Variants in MCPH1 observed in about 807,000 individuals in gnomAD.
The protein encoded by MCPH1 is microcephalin.
MCPH1 carries 104 observed loss-of-function variants against 84.5 expected under a neutral mutation model. That is an observed-to-expected ratio of 1.23 (90% CI 1.05 to 1.45). The LOEUF (loss-of-function observed/expected upper bound fraction) is 1.45, where lower values mean the gene tolerates loss of function less well. Ranked by LOEUF, MCPH1 falls within the 40% of genes most tolerant of loss-of-function variation. MCPH1 has a pLI of 0.00. For missense variants in MCPH1, 1,498 were observed against 1,005.7 expected, an observed-to-expected ratio of 1.49 and a Z score of -6.62; for synonymous variants, 514 against 366.8, an observed-to-expected ratio of 1.40 and a Z score of -4.58.
intron 12 of MCPH1, among the ~76,000 whole-genome samples, chr8:6,509,984 C>G (rs1057206534): frequency 3.3e-5 from 5 of 152,128 alleles, no homozygotes; most frequent in Non-Finnish European, 5.9e-5. Flanking sequence ...ATTTAAATCC[C>G]AAAGTGTAGT....
intron 12 of MCPH1, chr8:6,616,023 T>G (rs1446355800): frequency 1.3e-5 from 2 of 152,104 alleles, no homozygotes; most frequent in African/African-American, 4.8e-5. Flanking sequence ...AACCACTGAG[T>G]TGCACCCAGA....
In MCPH1 at chr8:6,642,991, T is replaced by C. The variant is rs1586908783; in HGVS notation, c.2453-3T>C. On this transcript the variant is annotated splice_polypyrimidine_tract_variant and splice_region_variant and intron_variant, in intron 13 of 13. Transcript: ENST00000344683. ...GCTAAACTGCTTTTCGCTCTCTCTCTAGATTCCATCACCCAGCACAAGGTC... is the reference window on the plus strand; with the variant it reads ...GCTAAACTGCTTTTCGCTCTCTCTCCAGATTCCATCACCCAGCACAAGGTC... 4 of 1,614,022 alleles carry C rather than the reference T, an allele frequency of 2.5e-6. No homozygotes were observed. The Admixed American group carries it at 5.0e-5, about 20-fold the overall frequency.
intron 11 of MCPH1, among the ~76,000 whole-genome samples, chr8:6,493,596 T>G (rs1161848984): frequency 6.6e-6 from 1 of 152,210 alleles, no homozygotes; most frequent in East Asian, 1.9e-4. Flanking sequence ...TTCAAAACCT[T>G]ACTAATGTGT....
At chr8:6,431,429 C>T (rs1192432883) in intron 3 of MCPH1, 70 bp from the exon 4 acceptor site, 7 of 1,138,800 alleles carry the variant, frequency 6.1e-6, no homozygotes, top group Non-Finnish European at 9.3e-6. Context: ...AATACATGTG[C>T]AGATTTAGTG....
At chr8:6,489,999 C>A (rs1159494638) in intron 11 of MCPH1, among the ~76,000 whole-genome samples, 1 of 152,218 alleles carries the variant, frequency 6.6e-6, no homozygotes, top group African/African-American at 2.4e-5. Context: ...AAGGATCACA[C>A]TGTTGGTCTT....
chr8:6,596,307 G>T (rs556672319), intron 12 of MCPH1, among the ~76,000 whole-genome samples: 1 of 152,186 alleles, frequency 6.6e-6, no homozygotes, highest in Non-Finnish European at 1.5e-5. Context: ...AGTGAGCTCT[G>T]GCGTTCTTCT....
intron 12 of MCPH1, among the ~76,000 whole-genome samples, chr8:6,515,759 A>G (rs1163334333): frequency 6.6e-6 from 1 of 152,206 alleles, no homozygotes; most frequent in Admixed American, 6.5e-5. Context: ...CCAATTGTAA[A>G]TATTCTTCTT....
intron 8 of MCPH1, among the ~76,000 whole-genome samples, chr8:6,449,689 G>C (rs754125516): frequency 6.6e-6 from 1 of 151,996 alleles, no homozygotes; most frequent in Admixed American, 6.6e-5. Flanking sequence ...CACTCAGTCT[G>C]AAAAGTGCTG....
rs141437561 is a variant in MCPH1 at position 6,615,051 on chromosome 8, G to C, written c.2215-6403G>C. 1.1e-4 allele frequency among the ~76,000 whole-genome samples: 17 copies of C among 152,314 alleles called. No homozygotes were observed. The East Asian group carries it at 3.3e-3, about 29-fold the overall frequency. ...AACCACGCTCACACTGCGTAAGCAC[G>C]AACGGTCTGGTCCACACCTCATCAC... On this transcript the variant is annotated intron_variant, in intron 12 of 13. Coordinates refer to ENST00000344683, the MANE Select transcript of MCPH1 (RefSeq NM_024596.5).
chr8:6,609,566 A>G (rs1830072051), intron 12 of MCPH1, among the ~76,000 whole-genome samples: 1 of 152,240 alleles, frequency 6.6e-6, no homozygotes, highest in Admixed American at 6.5e-5. Context: ...GGGAAAAAAT[A>G]CATTCCGCCT....
intron 3 of MCPH1, among the ~76,000 whole-genome samples, chr8:6,416,857 G>A (rs1444612308): frequency 6.6e-6 from 1 of 152,050 alleles, no homozygotes; most frequent in African/African-American, 2.4e-5. Flanking sequence ...AGCCAGTCAT[G>A]TTGGCGTGTG....
chr8:6,574,664 CAG>C (rs61534788), intron 12 of MCPH1, among the ~76,000 whole-genome samples: 136 of 152,230 alleles, frequency 8.9e-4, no homozygotes, highest in African/African-American at 2.9e-3. Context: ...ATTTATAATT[CAG>C]AGTCATGTTT....
rs112788253 is a variant in MCPH1, at chr8:6,557,688, T to TACACACAC, written c.2214+57779_2214+57786dup. Among the ~76,000 whole-genome samples, 1,449 of 148,776 alleles carry TACACACAC rather than the reference T, an allele frequency of 9.7e-3. 8 individuals carry two copies. Among genetic ancestry groups the TACACACAC allele is most frequent in the South Asian group, 0.017 (81 of 4,654 alleles). On this transcript the variant is annotated intron_variant, in intron 12 of 13. Coordinates refer to ENST00000344683, the MANE Select transcript of MCPH1 (RefSeq NM_024596.5). ...ATTTAATATGATATATATGTGTGTG[T>TACACACAC]ACACACACACACACACACACACACA...
chr8:6,552,941 G>C (rs554815578), intron 12 of MCPH1, among the ~76,000 whole-genome samples: 1 of 152,188 alleles, frequency 6.6e-6, no homozygotes, highest in South Asian at 2.1e-4. Context: ...ATCAGGGTTT[G>C]CCAGGGGTTA....
intron 12 of MCPH1, among the ~76,000 whole-genome samples, chr8:6,504,890 G>C (rs1485922489): frequency 1.3e-5 from 2 of 151,982 alleles, no homozygotes; most frequent in East Asian, 3.9e-4. Flanking sequence ...ATCTTGGAAT[G>C]TTTCCCCTAA....
chr8:6,627,031 T>C (rs1316041628), intron 13 of MCPH1: 4 of 985,168 alleles, frequency 4.1e-6, no homozygotes, highest in South Asian at 9.4e-5. Context: ...TTATAACTTA[T>C]AAAGAAAATT....
chr8:6,624,554 T>G (rs1831860037), intron 13 of MCPH1, among the ~76,000 whole-genome samples: 1 of 152,132 alleles, frequency 6.6e-6, no homozygotes, highest in African/African-American at 2.4e-5. Flanking sequence ...TTTCTCTTTG[T>G]GAAGTGAATT....
At chr8:6,430,353 TC>T (rs1801658192) in intron 3 of MCPH1, among the ~76,000 whole-genome samples, 2 of 152,200 alleles carry the variant, frequency 1.3e-5, no homozygotes, top group South Asian at 4.1e-4. Context: ...TTCGGAAAAT[TC>T]CACTGCATTG....
intron 12 of MCPH1, among the ~76,000 whole-genome samples, chr8:6,542,487 G>C (rs984775972): frequency 6.6e-6 from 1 of 151,988 alleles, no homozygotes; most frequent in Non-Finnish European, 1.5e-5. Context: ...TAAGAGGGAC[G>C]CTAGCGCCTG....
Sources: allele counts gnomAD v4.1 joint callset (sites outside exome capture counted in the v4.1 genomes callset), GRCh38; gene constraint gnomAD v4.1.1; transcripts MANE v1.5; gene names NCBI Gene and HGNC (gene_info 2026-07-23, HGNC 2026-07-21).